ZPLD1: variants seen among roughly 807,000 people sequenced by gnomAD.
ZPLD1 encodes zona pellucida-like domain-containing protein 1.
Under a neutral mutation model 47.2 loss-of-function variants are expected in ZPLD1, and 34 were observed. That is an observed-to-expected ratio of 0.72 (90% CI 0.55 to 0.96). ZPLD1 has a LOEUF of 0.96. Among genes scored for constraint, ZPLD1 ranks in the 40% least tolerant of loss-of-function variants. ZPLD1 has a pLI of 0.00. For missense variants in ZPLD1, 512 were observed against 505.8 expected (o/e 1.01, Z -0.12); for synonymous variants, 176 against 186.2 (o/e 0.95, Z 0.45).
intron 7 of ZPLD1, among the ~76,000 whole-genome samples, chr3:102,397,553 C>A (rs982617636): frequency 6.6e-6 from 1 of 152,052 alleles, no homozygotes; most frequent in African/African-American, 2.4e-5. Context: ...TCTGATGAAG[C>A]ATTTTAAAAA....
At chr3:102,465,609 A>G (rs1224958301) in intron 8 of ZPLD1, among the ~76,000 whole-genome samples, 1 of 152,122 alleles carries the variant, frequency 6.6e-6, no homozygotes, top group African/African-American at 2.4e-5. Context: ...CCAAACTTCT[A>G]TAATCCTCAT....
chr3:102,452,956 T>C lies in ZPLD1; in HGVS notation c.144T>C (p.Ala48=), dbSNP rs1707359870. Reference sequence around the variant, plus strand: ...TCAGTGTCTATTGTGGAGTGCAGGCTATTACGATGAAGATTAATTTTTGCA... The same window carrying C: ...TCAGTGTCTATTGTGGAGTGCAGGCCATTACGATGAAGATTAATTTTTGCA... The part of the protein sequence containing the change: ...RDISVYCGVQ[A]ITMKINFCTV... Residue 48 remains alanine, a synonymous_variant, in exon 4 of 12, where the codon GCT becomes GCC. Transcript: ENST00000466937. The C allele has an allele frequency of 6.2e-7, 1 of 1,614,022 alleles. No homozygotes were observed. Among genetic ancestry groups the C allele is most frequent in the Non-Finnish European group, 8.5e-7 (1 of 1,179,990 alleles).
chr3:102,396,398 C>G (rs574472048), intron 7 of ZPLD1, among the ~76,000 whole-genome samples: 1 of 152,022 alleles, frequency 6.6e-6, no homozygotes, highest in African/African-American at 2.4e-5. Context: ...ACCAACGCAC[C>G]GAACTCAGAC....
At position 102,435,106 on chromosome 3, in the gene ZPLD1, T is replaced by C. The variant is rs1707067693; in HGVS notation, c.-171T>C. The C allele has an allele frequency of 6.2e-7, 1 of 1,614,162 alleles. No individual in the cohort carries two copies. The highest frequency in any genetic ancestry group is 1.1e-5 in the South Asian group (1 of 91,076). On this transcript the variant is annotated 5_prime_UTR_variant, in exon 1 of 12. Coordinates refer to ENST00000466937, the MANE Select transcript of ZPLD1 (RefSeq NM_001329788.2). ...GCTAAAATAGCATCTCCAAGCTTGCTATGGCAAGATGATGCTCAGGTTTTC... is the reference window on the plus strand; with the variant it reads ...GCTAAAATAGCATCTCCAAGCTTGCCATGGCAAGATGATGCTCAGGTTTTC...
At chr3:102,396,763 T>C (rs949457611) in intron 7 of ZPLD1, among the ~76,000 whole-genome samples, 1 of 152,136 alleles carries the variant, frequency 6.6e-6, no homozygotes, top group Admixed American at 6.5e-5. Flanking sequence ...CTTTCCTCTT[T>C]CCACCAGCTA....
At chr3:102,407,451 A>G (rs1706703621) in intron 7 of ZPLD1, among the ~76,000 whole-genome samples, 1 of 120,260 alleles carries the variant, frequency 8.3e-6, no homozygotes, top group Admixed American at 8.5e-5. Context: ...ATACACACAT[A>G]TGCCATCCTT....
chr3:102,416,785 C>CATT (rs75928363), intron 7 of ZPLD1, among the ~76,000 whole-genome samples: 25,004 of 151,806 alleles, frequency 0.16, 2,126 homozygotes, highest in Middle Eastern at 0.23. Context: ...ATGCACTTCA[C>CATT]TATTCGTGGG....
chr3:102,466,470 A>T (rs996343193), intron 8 of ZPLD1, among the ~76,000 whole-genome samples: 4 of 152,190 alleles, frequency 2.6e-5, no homozygotes, highest in Non-Finnish European at 4.4e-5. Flanking sequence ...AATTAAACTC[A>T]CCAGAAAAAT....
intron 4 of ZPLD1, among the ~76,000 whole-genome samples, chr3:102,454,362 T>C (rs1437072829): frequency 6.6e-6 from 1 of 152,092 alleles, no homozygotes; most frequent in Non-Finnish European, 1.5e-5. Flanking sequence ...CAAGTCCCTG[T>C]TCTGTGTGGA....
chr3:102,395,809 A>G (rs1291951927), intron 7 of ZPLD1, among the ~76,000 whole-genome samples: 1 of 152,184 alleles, frequency 6.6e-6, no homozygotes, highest in African/African-American at 2.4e-5. Context: ...CATTTCTTCT[A>G]TGAACTAATA....
At chr3:102,443,996 A>G (rs1442313002) in intron 3 of ZPLD1, among the ~76,000 whole-genome samples, 1 of 152,242 alleles carries the variant, frequency 6.6e-6, no homozygotes. Context: ...CCAGGCAGCT[A>G]TTGCTGATCA....
At chr3:102,464,032 G>C (rs1055824759) in intron 7 of ZPLD1, 139 bp from the exon 8 acceptor site, 11 of 624,490 alleles carry the variant, frequency 1.8e-5, no homozygotes, top group Admixed American at 2.8e-5. Context: ...TCTGGGCAAC[G>C]GAACAAGACT....
At chr3:102,455,372 C>A (rs181055277) in intron 4 of ZPLD1, among the ~76,000 whole-genome samples, 1 of 152,238 alleles carries the variant, frequency 6.6e-6, no homozygotes, top group Admixed American at 6.5e-5. Flanking sequence ...TCAAGGAAAG[C>A]TAAGCAGACC....
At chr3:102,390,928 G>C (rs527271797) in intron 6 of ZPLD1, among the ~76,000 whole-genome samples, 44 of 151,848 alleles carry the variant, frequency 2.9e-4, no homozygotes, top group Middle Eastern at 6.8e-3. Flanking sequence ...GATATTCTAG[G>C]CTCCCAAGAA....
At chr3:102,466,061 C>T (rs547881998) in intron 8 of ZPLD1, among the ~76,000 whole-genome samples, 3 of 152,232 alleles carry the variant, frequency 2.0e-5, no homozygotes, top group Admixed American at 1.3e-4. Context: ...AGTGGCAGAT[C>T]TCATAAAGTA....
intron 8 of ZPLD1, among the ~76,000 whole-genome samples, chr3:102,421,071 C>T (rs1175440574): frequency 6.6e-6 from 1 of 151,882 alleles, no homozygotes; most frequent in African/African-American, 2.4e-5. Context: ...GAACCTTTCA[C>T]TAACATTGTA....
intron 2 of ZPLD1, 57 bp from the exon 3 acceptor site, chr3:102,438,423 A>G: frequency 1.6e-6 from 2 of 1,258,918 alleles, no homozygotes; most frequent in South Asian, 2.4e-5. Context: ...TTTTTCCAGT[A>G]AGTAGGAGTG....
intron 6 of ZPLD1, among the ~76,000 whole-genome samples, chr3:102,458,950 C>T (rs1311847091): frequency 2.0e-5 from 3 of 151,674 alleles, no homozygotes; most frequent in Non-Finnish European, 2.9e-5. Context: ...ATTAGCCGGG[C>T]GTGGTGGCGG....
intron 3 of ZPLD1, among the ~76,000 whole-genome samples, chr3:102,446,796 A>T (rs540743237): frequency 1.1e-4 from 17 of 152,282 alleles, no homozygotes; most frequent in African/African-American, 4.1e-4. Flanking sequence ...CTAGTATATC[A>T]TTATCAGGCT....
Sources: gnomAD v4.1 joint callset for allele counts (sites outside exome capture counted in the v4.1 genomes callset) on GRCh38, gnomAD v4.1.1 for gene constraint, MANE v1.5 for transcripts, NCBI Gene and HGNC (gene_info 2026-07-23, HGNC 2026-07-21) for gene names.